The following LONP2 variants were observed in gnomAD, a reference collection of about 807,000 sequenced individuals.
LONP2 encodes the protein lon peptidase 2, peroxisomal, also known as lon protease homolog 2, peroxisomal.
LONP2 carries 60 observed loss-of-function variants against 85.6 expected under a neutral mutation model. The ratio of observed to expected loss-of-function variants is 0.70; its 90% CI spans 0.57 to 0.87. The LOEUF (loss-of-function observed/expected upper bound fraction) is 0.87. LONP2 is among the 40% of genes least tolerant of loss of function. LONP2 has a pLI of 0.00. For synonymous variants in LONP2, 395 were observed against 389.7 expected (o/e 1.01, Z -0.16); for missense variants, 860 against 1,063.5 (o/e 0.81, Z 2.66).
At chr16:48,339,486 T>G (rs1959754253) in intron 12 of LONP2, among the ~76,000 whole-genome samples, 1 of 152,178 alleles carries the variant, frequency 6.6e-6, no homozygotes, top group Non-Finnish European at 1.5e-5. Context: ...GGCAGCTCTT[T>G]AGAAGTTTGG....
chr16:48,362,477 G>A lies in LONP2; in HGVS notation c.*614G>A, dbSNP rs1339169827. ...GCAGGAGAAAAATAATTATAACCAT[G>A]ACTTACTTTATAAATAATGTTTACA... On this transcript the variant is annotated 3_prime_UTR_variant, in exon 5 of 5. Transcript: ENST00000565867. The surrounding 1 kb of genome is among the most constrained non-coding windows in gnomAD (Gnocchi z 4.2). 1.3e-6 allele frequency: 2 copies of A among 1,586,506 alleles called. No individual in the cohort carries two copies. Among genetic ancestry groups the A allele is most frequent in the Non-Finnish European group, 1.7e-6 (2 of 1,159,378 alleles).
At chr16:48,260,990 G>A (rs1310103047) in intron 4 of LONP2, among the ~76,000 whole-genome samples, 1 of 152,182 alleles carries the variant, frequency 6.6e-6, no homozygotes, top group Non-Finnish European at 1.5e-5. Context: ...AGCCAGTGGT[G>A]GAAAGGTTGA....
intron 8 of LONP2, among the ~76,000 whole-genome samples, chr16:48,292,958 CTG>C (rs1346222589): frequency 1.3e-5 from 2 of 152,166 alleles, no homozygotes; most frequent in African/African-American, 4.8e-5. Flanking sequence ...TTCTGTCACA[CTG>C]TTTTAAAAAC....
chr16:48,354,853 A>AC lies in LONP2; in HGVS notation c.*3052dup, dbSNP rs1555486493. 1 of 151,410 alleles carries AC rather than the reference A, an allele frequency of 6.6e-6. No individual in the cohort carries two copies. The highest frequency in any genetic ancestry group is 1.5e-5 in the Non-Finnish European group (1 of 67,914). 9.4% of individuals were successfully genotyped at this position (151,410 alleles called of 1,614,324 possible). A position where few individuals can be genotyped will look rare whatever the true frequency, so the allele number is the denominator to read the frequency against. On this transcript the variant is annotated 3_prime_UTR_variant, in exon 15 of 15. Transcript: ENST00000285737. The stretch of plus-strand genomic sequence containing the variant: ...GCCACTTTAGCTTTAGCTCAAAGGA[A>AC]CTCCAACTTTTTATTATTTGCAACA...
chr16:48,340,184 C>T (rs1959772278), intron 12 of LONP2, among the ~76,000 whole-genome samples: 1 of 152,136 alleles, frequency 6.6e-6, no homozygotes, highest in Admixed American at 6.5e-5. Context: ...AGAATAAGGC[C>T]TGAAAGTTGC....
At chr16:48,311,324 T>A (rs1973026557) in intron 11 of LONP2, among the ~76,000 whole-genome samples, 2 of 152,040 alleles carry the variant, frequency 1.3e-5, no homozygotes, top group African/African-American at 4.8e-5. Context: ...ATCCCTTACT[T>A]TTCAGAGGCT....
At chr16:48,278,584 G>A (rs1972263396) in intron 8 of LONP2, among the ~76,000 whole-genome samples, 1 of 152,166 alleles carries the variant, frequency 6.6e-6, no homozygotes, top group African/African-American at 2.4e-5. Flanking sequence ...CTATAGAATT[G>A]TACTTTGCCT....
At chr16:48,344,101 T>G (rs973230262) in intron 12 of LONP2, 3 of 152,158 alleles carry the variant, frequency 2.0e-5, no homozygotes, top group African/African-American at 7.2e-5. Context: ...ACACAAATTG[T>G]TTTGTGTAAA....
At chr16:48,346,517 T>A (rs1959968600) in intron 12 of LONP2, among the ~76,000 whole-genome samples, 1 of 152,146 alleles carries the variant, frequency 6.6e-6, no homozygotes, top group South Asian at 2.1e-4. Flanking sequence ...CCAGGATGTT[T>A]ATTATGTAGT....
chr16:48,311,900 A>T (rs1270603499), intron 11 of LONP2, among the ~76,000 whole-genome samples: 2 of 148,942 alleles, frequency 1.3e-5, no homozygotes, highest in African/African-American at 5.0e-5. Flanking sequence ...AACTATTGGG[A>T]TTGCAGGCAT....
At chr16:48,350,121 C>T (rs1960094407) in intron 14 of LONP2, among the ~76,000 whole-genome samples, 1 of 152,168 alleles carries the variant, frequency 6.6e-6, no homozygotes, top group African/African-American at 2.4e-5. Flanking sequence ...TGTGGTGGCT[C>T]ACGCCTGTAA....
At chr16:48,295,539 G>T (rs1316857359) in intron 8 of LONP2, among the ~76,000 whole-genome samples, 1 of 152,160 alleles carries the variant, frequency 6.6e-6, no homozygotes, top group Non-Finnish European at 1.5e-5. Context: ...TCTCCTTTCA[G>T]TTAAATAATT....
chr16:48,255,534 C>T (rs187592234), intron 2 of LONP2, among the ~76,000 whole-genome samples: 5 of 152,304 alleles, frequency 3.3e-5, no homozygotes, highest in Admixed American at 1.3e-4. Flanking sequence ...CCCAGATATA[C>T]GCTGACAGTT....
chr16:48,361,489 G>A (rs753782001), downstream of LONP2: 20 of 1,330,942 alleles, frequency 1.5e-5, 1 homozygote, highest in South Asian at 2.4e-5. Context: ...TCCACCTACC[G>A]AAAGAGTTTT....
At chr16:48,294,828 C>A (rs1010784757) in intron 8 of LONP2, among the ~76,000 whole-genome samples, 4 of 152,092 alleles carry the variant, frequency 2.6e-5, no homozygotes, top group African/African-American at 9.7e-5. Context: ...GGAAAAACTG[C>A]TTATATAGTT....
At chr16:48,251,370 G>T (rs780545977) in intron 1 of LONP2, among the ~76,000 whole-genome samples, 26 of 152,130 alleles carry the variant, frequency 1.7e-4, no homozygotes, top group Non-Finnish European at 3.5e-4. Context: ...TTTGGATGAG[G>T]CTTCCTTTCT....
chr16:48,282,780 C>T (rs181373547), intron 8 of LONP2, among the ~76,000 whole-genome samples: 16 of 152,284 alleles, frequency 1.1e-4, no homozygotes, highest in Middle Eastern at 3.4e-3. Context: ...AATAACCCTG[C>T]AGTGGCTTCT....
intron 11 of LONP2, among the ~76,000 whole-genome samples, chr16:48,320,286 G>C (rs1973235608): frequency 1.3e-5 from 2 of 152,086 alleles, no homozygotes; most frequent in Admixed American, 6.5e-5. Flanking sequence ...TAGAAGTTTG[G>C]ATTCGGTTTT....
Position 48,348,088 on chromosome 16 carries a change from TCC to T in LONP2, c.2147-11_2147-10del, listed in dbSNP as rs1268516948. On this transcript the variant is annotated splice_polypyrimidine_tract_variant and intron_variant, in intron 13 of 14. Coordinates refer to ENST00000285737, the MANE Select transcript of LONP2 (RefSeq NM_031490.5). ...ATTTTTCTACATTAAAGTCCCTTTT[TCC>T]TTTTTAAAGCTTTTGGAAGTTTTGA... 3 of 1,582,340 alleles carry T rather than the reference TCC, an allele frequency of 1.9e-6. No homozygotes were observed. The highest frequency in any genetic ancestry group is 4.1e-5 in the Admixed American group (2 of 49,272).
Sources: gnomAD v4.1 joint callset for allele counts (sites outside exome capture counted in the v4.1 genomes callset) on GRCh38, gnomAD v4.1.1 for gene constraint, Gnocchi (gnomAD v3.1) non-coding constraint, MANE v1.5 for transcripts, NCBI Gene and HGNC (gene_info 2026-07-23, HGNC 2026-07-21) for gene names.